Variants in CCDC172 observed in about 807,000 individuals in gnomAD.
The protein encoded by CCDC172 is coiled-coil domain-containing protein 172.
A neutral mutation model predicts 38.0 loss-of-function variants in CCDC172; 30 were observed. That is an observed-to-expected ratio of 0.79 (90% CI 0.59 to 1.07). The LOEUF (loss-of-function observed/expected upper bound fraction) is 1.07, where lower values mean the gene tolerates loss of function less well. Among genes scored for constraint, CCDC172 ranks in the 50% least tolerant of loss-of-function variants. CCDC172 has a pLI of 0.00. For missense variants in CCDC172, 297 were observed against 290.1 expected, an observed-to-expected ratio of 1.02 and a Z score of -0.17; for synonymous variants, 78 against 88.3, an observed-to-expected ratio of 0.88 and a Z score of 0.66.
intron 7 of CCDC172, among the ~76,000 whole-genome samples, chr10:116,375,287 A>T (rs1011360861): frequency 6.6e-6 from 1 of 151,970 alleles, no homozygotes; most frequent in South Asian, 2.1e-4. Flanking sequence ...CCTTTAGAGA[A>T]TATTTTCTTT....
At position 116,325,090 on chromosome 10, in the gene CCDC172, G is replaced by A. The variant is rs376646844; in HGVS notation, c.79G>A (p.Val27Ile). ...GGAGAGTCGCCGTTTGATGCGAGAA[G>A]GTCGGGGTATTTCTGTCCTTTGCAT... ...AEESRRLMRE[V>I]RSEITRCREK... Residue 27 changes from valine to isoleucine, a missense_variant and splice_region_variant, in exon 2 of 9, where the codon GTA becomes ATA. Coordinates refer to ENST00000333254, the MANE Select transcript of CCDC172 (RefSeq NM_198515.3). The A allele has an allele frequency of 1.7e-5, 28 of 1,613,722 alleles. No individual in the cohort carries two copies. The highest frequency in any genetic ancestry group is 2.2e-5 in the Non-Finnish European group (26 of 1,179,956).
chr10:116,358,711 T>C, intron 7 of CCDC172, among the ~76,000 whole-genome samples: 1 of 152,318 alleles, frequency 6.6e-6, no homozygotes, highest in Non-Finnish European at 1.5e-5. Flanking sequence ...TGTGAGACAA[T>C]ATTTGCAATT....
intron 7 of CCDC172, among the ~76,000 whole-genome samples, chr10:116,375,250 G>T (rs1845231373): frequency 6.6e-6 from 1 of 151,956 alleles, no homozygotes. Flanking sequence ...CTATGAGAGG[G>T]CTGTGGGTCT....
At chr10:116,379,302 A>C in intron 8 of CCDC172, 21 bp from the exon 9 acceptor site, 4 of 1,516,346 alleles carry the variant, frequency 2.6e-6, no homozygotes, top group Non-Finnish European at 3.6e-6. Context: ...CTCATGAGTA[A>C]TTACTATGTT....
chr10:116,354,945 A>G (rs1462639561), intron 5 of CCDC172, among the ~76,000 whole-genome samples: 1 of 152,224 alleles, frequency 6.6e-6, no homozygotes, highest in Non-Finnish European at 1.5e-5. Flanking sequence ...AAAACATAAT[A>G]TATTTTACAA....
Position 116,378,601 on chromosome 10 carries a change from G to C in CCDC172, c.741+91G>C, listed in dbSNP as rs558015366. On this transcript the variant is annotated intron_variant, in intron 8 of 8. Coordinates refer to ENST00000333254, the MANE Select transcript of CCDC172 (RefSeq NM_198515.3). ...TACTGGTGTACAAATCACTGAACTA[G>C]TGTTTAATCCCTCTGCAAAAAACAG... 8.3e-5 allele frequency: 76 copies of C among 915,780 alleles called. No homozygotes were observed. The Middle Eastern group carries it at 1.1e-3, about 13-fold the overall frequency. 56.7% of individuals were successfully genotyped at this position (915,780 alleles called of 1,614,324 possible).
At chr10:116,346,326 A>G (rs1416834625) in intron 5 of CCDC172, among the ~76,000 whole-genome samples, 1 of 151,872 alleles carries the variant, frequency 6.6e-6, no homozygotes, top group Non-Finnish European at 1.5e-5. Context: ...GTAAATGGTT[A>G]AACAAAATTG....
rs148729935 is a variant in CCDC172, at chr10:116,343,449, T to C, written c.448+1248T>C. Among the ~76,000 whole-genome samples, 348 of 151,874 alleles carry C rather than the reference T, an allele frequency of 2.3e-3. 4 individuals are homozygous for C. The East Asian group carries it at 0.034, about 15-fold the overall frequency. On this transcript the variant is annotated intron_variant, in intron 5 of 8. Transcript: ENST00000333254. ...ATTAGGACTCAGTCATCCTCCCTCCTGGGAATGATTCCCCATGACTCTTGA... is the reference window on the plus strand; with the variant it reads ...ATTAGGACTCAGTCATCCTCCCTCCCGGGAATGATTCCCCATGACTCTTGA...
Position 116,342,165 on chromosome 10 carries a change from T to G in CCDC172, c.412T>G (p.Ser138Ala), listed in dbSNP as rs772259916. ...GAAAGAAAATGTCAAGATTGAAATA[T>G]CTGACTTAGAAAACCAAGCAAACAT... ...LMKENVKIEI[S>A]DLENQANMLK... The change falls in exon 5 of 9, where the codon TCT becomes GCT. Residue 138 changes from serine to alanine, a missense_variant. By Grantham distance (99) the Ser-to-Ala change is moderately conservative. Coordinates refer to ENST00000333254, the MANE Select transcript of CCDC172 (RefSeq NM_198515.3). 2 of 1,539,054 alleles carry G rather than the reference T, an allele frequency of 1.3e-6. No homozygotes were observed. Among genetic ancestry groups the G allele is most frequent in the South Asian group, 2.5e-5 (2 of 78,958 alleles).
intron 3 of CCDC172, among the ~76,000 whole-genome samples, chr10:116,338,577 A>G (rs1474177638): frequency 6.6e-6 from 1 of 152,012 alleles, no homozygotes; most frequent in Non-Finnish European, 1.5e-5. Context: ...AGTTTTTGGG[A>G]TATAGATTTC....
intron 3 of CCDC172, among the ~76,000 whole-genome samples, chr10:116,335,553 G>A (rs1318944139): frequency 1.3e-5 from 2 of 151,854 alleles, no homozygotes; most frequent in Admixed American, 6.6e-5. Flanking sequence ...TCATAAGATT[G>A]CACTAATTTC....
At chr10:116,340,155 A>G (rs965248009) in intron 3 of CCDC172, among the ~76,000 whole-genome samples, 5 of 151,936 alleles carry the variant, frequency 3.3e-5, no homozygotes, top group Admixed American at 2.6e-4. Context: ...AATGTTTATT[A>G]TACCTTTTGC....
At position 116,350,940 on chromosome 10, in the gene CCDC172, T is replaced by C. The variant is rs1289878281; in HGVS notation, c.449-6440T>C. On this transcript the variant is annotated intron_variant, in intron 5 of 8. Coordinates refer to ENST00000333254, the MANE Select transcript of CCDC172 (RefSeq NM_198515.3). ...AAATAATAGTGAGGCAATAAACAAG[T>C]AGGAAAAAAAGTTATCACCACAAAC... is the stretch of plus-strand genomic sequence containing the variant. Among the ~76,000 whole-genome samples, 4 of 152,054 alleles carry C rather than the reference T, an allele frequency of 2.6e-5. No individual in the cohort carries two copies. In the East Asian group the frequency reaches 7.7e-4, roughly 29 times the overall value.
At chr10:116,336,084 T>C (rs1481994261) in intron 3 of CCDC172, among the ~76,000 whole-genome samples, 1 of 152,020 alleles carries the variant, frequency 6.6e-6, no homozygotes. Context: ...GGAGAATTGC[T>C]TGAATCCGCG....
Position 116,331,118 on chromosome 10 carries a change from T to A in CCDC172, c.165+5730T>A, listed in dbSNP as rs191629494. Among the ~76,000 whole-genome samples the A allele has an allele frequency of 8.0e-4, 122 of 152,328 alleles. 1 individual carries two copies. The highest frequency in any genetic ancestry group is 2.7e-3 in the African/African-American group (114 of 41,574). On this transcript the variant is annotated intron_variant, in intron 3 of 8. Transcript: ENST00000333254. ...GCAACTCCTTTTTCTAATTTGTTTTTGTTTTGGAAAGTCATTTTTCAATAC... is the reference window on the plus strand; with the variant it reads ...GCAACTCCTTTTTCTAATTTGTTTTAGTTTTGGAAAGTCATTTTTCAATAC...
Position 116,352,775 on chromosome 10 carries a change from G to GA in CCDC172, c.449-4594dup, listed in dbSNP as rs796349911. 2.3e-3 allele frequency among the ~76,000 whole-genome samples: 314 copies of GA among 137,946 alleles called. 1 individual carries two copies. The highest frequency in any genetic ancestry group is 3.8e-3 in the African/African-American group (143 of 37,746). 90.5% of individuals were successfully genotyped at this position (137,946 alleles called of 152,430 possible). ...TGGGGGTTTTAGGCAGAGCAATTAG[G>GA]AAAAAAAAAAAGAGAAAAAGAAAAA... is the stretch of plus-strand genomic sequence containing the variant. On this transcript the variant is annotated intron_variant, in intron 5 of 8. Transcript: ENST00000333254.
At chr10:116,335,283 C>T (rs764793554) in intron 3 of CCDC172, among the ~76,000 whole-genome samples, 3 of 151,880 alleles carry the variant, frequency 2.0e-5, no homozygotes, top group Non-Finnish European at 4.4e-5. Context: ...ATCGGAAACA[C>T]TGTCTTTATG....
At chr10:116,378,181 A>G (rs78252787) in intron 7 of CCDC172, among the ~76,000 whole-genome samples, 18,497 of 152,128 alleles carry the variant, frequency 0.12, 1,796 homozygotes, top group African/African-American at 0.26. Flanking sequence ...ACTCCATCTC[A>G]AAAAACAACA....
At chr10:116,374,116 C>A (rs1845217201) in intron 7 of CCDC172, among the ~76,000 whole-genome samples, 1 of 152,142 alleles carries the variant, frequency 6.6e-6, no homozygotes, top group Non-Finnish European at 1.5e-5. Context: ...TGCTACCTGC[C>A]TGCTAGTCAT....
Sources: gnomAD v4.1 joint callset for allele counts (sites outside exome capture counted in the v4.1 genomes callset) on GRCh38, gnomAD v4.1.1 for gene constraint, MANE v1.5 for transcripts, NCBI Gene and HGNC (gene_info 2026-07-23, HGNC 2026-07-21) for gene names.